Variants in DCAF5 observed in about 807,000 individuals in gnomAD.
DCAF5 encodes DDB1 and CUL4 associated factor 5.
DCAF5 carries 9 observed loss-of-function variants against 80.7 expected under a neutral mutation model. The ratio of observed to expected loss-of-function variants is 0.11; its 90% CI spans 0.07 to 0.19. The LOEUF is 0.19. Among genes scored for constraint, DCAF5 ranks in the 10% least tolerant of loss-of-function variants. The pLI is 1.00. For synonymous variants in DCAF5, 433 were observed against 461.9 expected (o/e 0.94, Z 0.80); for missense variants, 842 against 1,205.7 (o/e 0.70, Z 4.47).
At chr14:69,149,322 T>C (rs1182046795) in intron 1 of DCAF5, 5 of 152,252 alleles carry the variant, frequency 3.3e-5, no homozygotes, top group Non-Finnish European at 7.3e-5. Flanking sequence ...TGCCCCTTTC[T>C]GGTCATAAAC....
intron 2 of DCAF5, among the ~76,000 whole-genome samples, chr14:69,121,076 T>C: frequency 6.6e-6 from 1 of 152,210 alleles, no homozygotes; most frequent in Non-Finnish European, 1.5e-5. Context: ...GGCAAAATAG[T>C]ACCATGCAGT....
chr14:69,084,211 C>A, intron 6 of DCAF5: 1 of 989,878 alleles, frequency 1.0e-6, no homozygotes, highest in Non-Finnish European at 1.6e-6. Flanking sequence ...TGAGTCACCA[C>A]GTGCATACCT....
chr14:69,092,778 C>G (rs549474259), intron 5 of DCAF5, among the ~76,000 whole-genome samples: 66 of 152,244 alleles, frequency 4.3e-4, no homozygotes, highest in African/African-American at 1.5e-3. Flanking sequence ...AAATGCAGAG[C>G]AAGCAGTGCA....
rs756257665 is a variant in DCAF5, at chr14:69,116,505, G to GA, written c.536-11dup. 13 of 1,611,442 alleles carry GA rather than the reference G, an allele frequency of 8.1e-6. No homozygotes were observed. In the East Asian group the frequency reaches 2.7e-4, roughly 33 times the overall value. On this transcript the variant is annotated splice_polypyrimidine_tract_variant and intron_variant, in intron 4 of 8. Transcript: ENST00000341516. ...GCCAGGCAGAAGGGCTCTGTGGAAAGAAAAATTATAATCAGTTCACTCCAG... is the reference window on the plus strand; with the variant it reads ...GCCAGGCAGAAGGGCTCTGTGGAAAGAAAAAATTATAATCAGTTCACTCCAG...
At chr14:69,108,545 T>A (rs975055742) in intron 5 of DCAF5, among the ~76,000 whole-genome samples, 1 of 152,082 alleles carries the variant, frequency 6.6e-6, no homozygotes, top group Non-Finnish European at 1.5e-5. Flanking sequence ...AAGATGTTTA[T>A]GGCAGAGGGA....
chr14:69,105,514 T>C (rs538331892), intron 5 of DCAF5, among the ~76,000 whole-genome samples: 1 of 152,180 alleles, frequency 6.6e-6, no homozygotes, highest in South Asian at 2.1e-4. Context: ...CAGAGGAGAC[T>C]GAGATGTGAG....
chr14:69,055,682 G>C lies in DCAF5; in HGVS notation c.1075-71C>G. 2.7e-6 allele frequency: 4 copies of C among 1,464,956 alleles called. No individual in the cohort carries two copies. The highest frequency in any genetic ancestry group is 3.7e-6 in the Non-Finnish European group (4 of 1,078,010). 90.7% of individuals were successfully genotyped at this position (1,464,956 alleles called of 1,614,324 possible). On this transcript the variant is annotated intron_variant, in intron 8 of 8. Coordinates refer to ENST00000341516, the MANE Select transcript of DCAF5 (RefSeq NM_003861.3). This position sits in a 1 kb window ranked among gnomAD's most constrained non-coding sequence, Gnocchi z 5.6. ...GTATTCTTTCACTGGTGGTGATAAA[G>C]AACACCAAGGCAGAACTTCCCCAGA...
intron 1 of DCAF5, among the ~76,000 whole-genome samples, chr14:69,131,010 T>TA: frequency 6.6e-6 from 1 of 152,330 alleles, no homozygotes; most frequent in South Asian, 2.1e-4. Context: ...CCCAGTGTGA[T>TA]ATATATTAGG....
At chr14:69,098,283 A>G (rs1425005305) in intron 5 of DCAF5, among the ~76,000 whole-genome samples, 1 of 152,178 alleles carries the variant, frequency 6.6e-6, no homozygotes, top group African/African-American at 2.4e-5. Context: ...AGCATAGTTC[A>G]TTCATTCAGT....
chr14:69,144,396 C>T (rs1301003663), intron 1 of DCAF5, among the ~76,000 whole-genome samples: 1 of 151,794 alleles, frequency 6.6e-6, no homozygotes, highest in Non-Finnish European at 1.5e-5. Context: ...CACGGTGAAA[C>T]CCCGTCTCTA....
chr14:69,148,693 G>T (rs1000632172), intron 1 of DCAF5, among the ~76,000 whole-genome samples: 7 of 151,954 alleles, frequency 4.6e-5, no homozygotes, highest in Admixed American at 3.9e-4. Context: ...AGACTCCATT[G>T]CCCCCACCGC....
chr14:69,071,260 A>G (rs1433735786), intron 7 of DCAF5, among the ~76,000 whole-genome samples: 2 of 152,230 alleles, frequency 1.3e-5, no homozygotes, highest in African/African-American at 4.8e-5. Flanking sequence ...AGACTTATAT[A>G]GTATTGTTTA....
chr14:69,150,704 AG>A (rs758341478), intron 1 of DCAF5, among the ~76,000 whole-genome samples: 21 of 149,236 alleles, frequency 1.4e-4, no homozygotes, highest in Non-Finnish European at 3.1e-4. Context: ...TGGGCAACAT[AG>A]GGAGACTCCA....
intron 7 of DCAF5, among the ~76,000 whole-genome samples, chr14:69,065,096 C>CTTTTTTT (rs34005299): frequency 1.7e-5 from 2 of 120,330 alleles, no homozygotes; most frequent in South Asian, 5.2e-4. Flanking sequence ...AATATGACCT[C>CTTTTTTT]TTTTTTTTTT....
chr14:69,105,434 T>C (rs2040102919), intron 5 of DCAF5, among the ~76,000 whole-genome samples: 3 of 152,152 alleles, frequency 2.0e-5, no homozygotes, highest in Non-Finnish European at 4.4e-5. Flanking sequence ...AGGTGTCAAC[T>C]TGACTGGACT....
intron 1 of DCAF5, among the ~76,000 whole-genome samples, chr14:69,140,792 C>G (rs2041346278): frequency 1.3e-5 from 2 of 152,162 alleles, no homozygotes; most frequent in African/African-American, 2.4e-5. Context: ...ACTAACCACT[C>G]TGCTTCTCAG....
chr14:69,062,894 G>A (rs958401974), intron 7 of DCAF5, among the ~76,000 whole-genome samples: 4 of 152,096 alleles, frequency 2.6e-5, no homozygotes, highest in African/African-American at 7.2e-5. Context: ...TTAGGCAGCT[G>A]GACCAAGGAC....
At chr14:69,059,301 T>C (rs533802683) in intron 8 of DCAF5, among the ~76,000 whole-genome samples, 10 of 152,104 alleles carry the variant, frequency 6.6e-5, no homozygotes, top group South Asian at 2.1e-4. Flanking sequence ...TCCCTGACAA[T>C]AGGGACTCTT....
intron 7 of DCAF5, among the ~76,000 whole-genome samples, chr14:69,074,655 G>C (rs926331828): frequency 6.6e-6 from 1 of 152,172 alleles, no homozygotes; most frequent in Non-Finnish European, 1.5e-5. Flanking sequence ...AGGAAAGAAA[G>C]AGCCCTACCA....
Sources: gnomAD v4.1 joint callset for allele counts (sites outside exome capture counted in the v4.1 genomes callset) on GRCh38, gnomAD v4.1.1 for gene constraint, Gnocchi (gnomAD v3.1) non-coding constraint, MANE v1.5 for transcripts, NCBI Gene and HGNC (gene_info 2026-07-23, HGNC 2026-07-21) for gene names.